COL23A1: variants seen among roughly 807,000 people sequenced by gnomAD.
The protein encoded by COL23A1 is collagen alpha-1(XXIII) chain.
COL23A1 carries 97 observed loss-of-function variants against 99.3 expected under a neutral mutation model. The observed-to-expected ratio is 0.98, with a 90% CI of 0.83 to 1.16. The LOEUF (loss-of-function observed/expected upper bound fraction) is 1.16. COL23A1 is among the 50% of genes most tolerant of loss of function. COL23A1 has a pLI of 0.00. For synonymous variants in COL23A1, 320 were observed against 308.2 expected, an observed-to-expected ratio of 1.04 and a Z score of -0.40; for missense variants, 762 against 757.4, an observed-to-expected ratio of 1.01 and a Z score of -0.07.
chr5:178,291,155 G>C (rs1002779928), intron 3 of COL23A1, among the ~76,000 whole-genome samples: 6 of 152,170 alleles, frequency 3.9e-5, no homozygotes, highest in Admixed American at 6.5e-5. Context: ...ACCACCCCTA[G>C]GCTCTGTGCA....
At chr5:178,495,627 T>C (rs947140364) in intron 2 of COL23A1, among the ~76,000 whole-genome samples, 1 of 151,648 alleles carries the variant, frequency 6.6e-6, no homozygotes, top group African/African-American at 2.4e-5. Flanking sequence ...TGAGGGAGGC[T>C]AGAACCATAG....
chr5:178,248,288 G>T, intron 19 of COL23A1, 34 bp from the exon 20 acceptor site: 1 of 1,567,542 alleles, frequency 6.4e-7, no homozygotes, highest in Non-Finnish European at 8.8e-7. Flanking sequence ...AGTCCTTTGT[G>T]TCCAGCACCT....
chr5:178,337,387 C>T (rs1760397680), intron 2 of COL23A1, among the ~76,000 whole-genome samples: 1 of 152,220 alleles, frequency 6.6e-6, no homozygotes, highest in African/African-American at 2.4e-5. Flanking sequence ...TGGAGGCGGG[C>T]TCTAATGGCA....
At chr5:178,478,747 TAAAGC>T (rs1757165699) in intron 2 of COL23A1, among the ~76,000 whole-genome samples, 1 of 152,182 alleles carries the variant, frequency 6.6e-6, no homozygotes, top group African/African-American at 2.4e-5. Context: ...TTCTTGGGTT[TAAAGC>T]AAAGTAGCCA....
At chr5:178,550,470 C>T (rs1284726971) in intron 2 of COL23A1, among the ~76,000 whole-genome samples, 1 of 152,152 alleles carries the variant, frequency 6.6e-6, no homozygotes, top group Non-Finnish European at 1.5e-5. Flanking sequence ...ATGTGACCTC[C>T]TGGGGGCAAA....
chr5:178,502,617 A>T lies in COL23A1; in HGVS notation c.361+58065T>A, dbSNP rs138357447. On this transcript the variant is annotated intron_variant, in intron 2 of 28. Coordinates refer to ENST00000390654, the MANE Select transcript of COL23A1 (RefSeq NM_173465.4). ...TCATGAAAGTAAGAAGTTCATCCACATCAAGTGCTGGAGAGGATGTGGAGC... is the reference window on the plus strand; with the variant it reads ...TCATGAAAGTAAGAAGTTCATCCACTTCAAGTGCTGGAGAGGATGTGGAGC... Among the ~76,000 whole-genome samples, 16 of 152,356 alleles carry T rather than the reference A, an allele frequency of 1.1e-4. No individual in the cohort carries two copies. In the East Asian group the frequency reaches 1.9e-3, roughly 18 times the overall value.
intron 2 of COL23A1, among the ~76,000 whole-genome samples, chr5:178,367,147 A>T (rs1762527770): frequency 6.6e-6 from 1 of 152,168 alleles, no homozygotes; most frequent in South Asian, 2.1e-4. Flanking sequence ...TCGTTATCTG[A>T]GGGTATCACT....
intron 2 of COL23A1, among the ~76,000 whole-genome samples, chr5:178,357,778 ATGTGTATGTG>A (rs1761762965): frequency 4.4e-5 from 6 of 137,490 alleles, no homozygotes; most frequent in African/African-American, 1.6e-4. Context: ...GTATGTGTGT[ATGTGTATGTG>A]TGTGTGTATG....
At chr5:178,585,152 T>G (rs1395563516) in intron 1 of COL23A1, among the ~76,000 whole-genome samples, 1 of 152,158 alleles carries the variant, frequency 6.6e-6, no homozygotes, top group East Asian at 1.9e-4. Flanking sequence ...TCCCAAAATG[T>G]GGTCCTTGGG....
intron 1 of COL23A1, among the ~76,000 whole-genome samples, chr5:178,576,624 G>T (rs557560445): frequency 2.0e-5 from 3 of 152,164 alleles, no homozygotes; most frequent in Admixed American, 1.3e-4. Flanking sequence ...CCATCCAGGC[G>T]GTAGGAGCGG....
At chr5:178,465,955 A>G (rs10069282) in intron 2 of COL23A1, among the ~76,000 whole-genome samples, 40,226 of 152,056 alleles carry the variant, frequency 0.26, 5,596 homozygotes, top group Non-Finnish European at 0.3. Context: ...CACAAAACAC[A>G]GTAGAGCCTC....
intron 1 of COL23A1, among the ~76,000 whole-genome samples, chr5:178,585,133 G>A (rs1242238731): frequency 6.6e-6 from 1 of 152,154 alleles, no homozygotes; most frequent in Non-Finnish European, 1.5e-5. Context: ...TTTTGTGGTT[G>A]AAGAATGTTC....
intron 1 of COL23A1, among the ~76,000 whole-genome samples, chr5:178,572,030 T>C (rs534388384): frequency 5.0e-4 from 70 of 140,138 alleles, no homozygotes; most frequent in Non-Finnish European, 9.2e-4. Flanking sequence ...ATTGCGCCAC[T>C]GCACTCCAGC....
chr5:178,372,038 G>C (rs767619744), intron 2 of COL23A1, among the ~76,000 whole-genome samples: 14 of 152,254 alleles, frequency 9.2e-5, no homozygotes, highest in Non-Finnish European at 1.6e-4. Context: ...CAGATGTTTT[G>C]TCTGGTCTGC....
intron 2 of COL23A1, among the ~76,000 whole-genome samples, chr5:178,419,071 T>A (rs1765459655): frequency 6.6e-6 from 1 of 152,220 alleles, no homozygotes; most frequent in Non-Finnish European, 1.5e-5. Context: ...TGCCCCATCC[T>A]GTCTGCTCCC....
At chr5:178,472,136 C>T (rs971774865) in intron 2 of COL23A1, among the ~76,000 whole-genome samples, 1 of 152,154 alleles carries the variant, frequency 6.6e-6, no homozygotes, top group Non-Finnish European at 1.5e-5. Context: ...GCGTGAGACC[C>T]TGTCTTAAAT....
chr5:178,571,288 G>GGA (rs1236383705), intron 1 of COL23A1, among the ~76,000 whole-genome samples: 1 of 152,044 alleles, frequency 6.6e-6, no homozygotes, highest in Non-Finnish European at 1.5e-5. Context: ...CTTGAACCCG[G>GGA]GAGACAGAGG....
intron 2 of COL23A1, among the ~76,000 whole-genome samples, chr5:178,426,137 C>A (rs915562304): frequency 6.6e-6 from 1 of 152,182 alleles, no homozygotes; most frequent in Non-Finnish European, 1.5e-5. Context: ...AGACATCAGG[C>A]ATTTTGTATA....
At chr5:178,408,218 G>A (rs1377188450) in intron 2 of COL23A1, among the ~76,000 whole-genome samples, 1 of 152,152 alleles carries the variant, frequency 6.6e-6, no homozygotes, top group African/African-American at 2.4e-5. Context: ...TCTACATCTA[G>A]TGAAAATATC....
Sources: gnomAD v4.1 joint callset for allele counts (sites outside exome capture counted in the v4.1 genomes callset) on GRCh38, gnomAD v4.1.1 for gene constraint, MANE v1.5 for transcripts, NCBI Gene and HGNC (gene_info 2026-07-23, HGNC 2026-07-21) for gene names.